The following ELAPOR2 variants were observed in gnomAD, a reference collection of about 807,000 sequenced individuals.
ELAPOR2 encodes endosome/lysosome-associated apoptosis and autophagy regulator family member 2.
A neutral mutation model predicts 120.7 loss-of-function variants in ELAPOR2; 89 were observed. The ratio of observed to expected loss-of-function variants is 0.74; its 90% CI spans 0.62 to 0.88. ELAPOR2 has a LOEUF of 0.88. Among genes scored for constraint, ELAPOR2 ranks in the 40% least tolerant of loss-of-function variants. ELAPOR2 has a pLI of 0.00. For synonymous variants in ELAPOR2, 444 were observed against 444.9 expected, an observed-to-expected ratio of 1.00 and a Z score of 0.03; for missense variants, 1,134 against 1,251.6, an observed-to-expected ratio of 0.91 and a Z score of 1.42.
Position 86,891,156 on chromosome 7 carries a change from A to G in ELAPOR2, c.3030+568T>C, listed in dbSNP as rs1363557905. On this transcript the variant is annotated intron_variant, in intron 21 of 21. Coordinates refer to ENST00000450689, the MANE Select transcript of ELAPOR2 (RefSeq NM_001142749.3). ...AATTTATATAACTTTTGTTTGCTCT[A>G]TGTAAAACAATCTTGTCATAAAAAA... The G allele has an allele frequency of 9.9e-5, 15 of 152,086 alleles. No homozygotes were observed. The South Asian group carries it at 3.1e-3, about 31-fold the overall frequency. The allele number at this position is 152,086 out of a possible 1,614,324, so 9.4% of individuals were successfully genotyped here.
intron 1 of ELAPOR2, among the ~76,000 whole-genome samples, chr7:87,002,249 T>TTATGCAC (rs1793341257): frequency 6.6e-6 from 1 of 152,128 alleles, no homozygotes; most frequent in Non-Finnish European, 1.5e-5. Context: ...GCACAGTTAC[T>TTATGCAC]AGTTGTGGCC....
chr7:86,923,253 G>GT (rs1364716714), intron 10 of ELAPOR2, among the ~76,000 whole-genome samples: 1 of 151,830 alleles, frequency 6.6e-6, no homozygotes, highest in African/African-American at 2.4e-5. Flanking sequence ...GTAGTTAGTA[G>GT]TTTTTTGTGT....
intron 6 of ELAPOR2, 125 bp downstream of exon 6, chr7:86,939,885 G>T: frequency 4.0e-6 from 2 of 501,422 alleles, no homozygotes; most frequent in South Asian, 4.5e-5. Flanking sequence ...AGACCTATAT[G>T]ATTCCCTAAC....
intron 21 of ELAPOR2, among the ~76,000 whole-genome samples, chr7:86,886,861 T>C (rs189678731): frequency 2.2e-3 from 330 of 152,204 alleles, no homozygotes; most frequent in Admixed American, 5.0e-3. Context: ...TGGGCCTGGT[T>C]CACTGATGAT....
At chr7:86,973,457 G>T (rs1792172693) in intron 1 of ELAPOR2, among the ~76,000 whole-genome samples, 1 of 152,092 alleles carries the variant, frequency 6.6e-6, no homozygotes, top group African/African-American at 2.4e-5. Flanking sequence ...AAATCACTGT[G>T]TAACAGGTTC....
At position 86,974,583 on chromosome 7, in the gene ELAPOR2, G is replaced by GTGTGTGTT. The variant is rs1430360715; in HGVS notation, c.190-9560_190-9559insAACACACA. 3.8e-3 allele frequency among the ~76,000 whole-genome samples: 550 copies of GTGTGTGTT among 146,436 alleles called. 3 individuals carry two copies. The highest frequency in any genetic ancestry group is 0.014 in the African/African-American group (524 of 38,788). Reference sequence around the variant, plus strand: ...AGCAATATATCTGAACCCCTGTAGTGTGTGTGTGTGTGTGTGTGTGTGTGT... The same window carrying GTGTGTGTT: ...AGCAATATATCTGAACCCCTGTAGTGTGTGTGTTTGTGTGTGTGTGTGTGTGTGTGTGT... On this transcript the variant is annotated intron_variant, in intron 1 of 21. Transcript: ENST00000450689.
chr7:87,019,382 T>G lies in ELAPOR2; in HGVS notation c.189+39943A>C, dbSNP rs562268021. On this transcript the variant is annotated intron_variant, in intron 1 of 21. Coordinates refer to ENST00000450689, the MANE Select transcript of ELAPOR2 (RefSeq NM_001142749.3). Reference sequence around the variant, plus strand: ...ATTTCAGATGTTGCCTAGGCTGGTCTTGAACTCCTGGGCTCAAGCGGTCTG... The same window carrying G: ...ATTTCAGATGTTGCCTAGGCTGGTCGTGAACTCCTGGGCTCAAGCGGTCTG... Among the ~76,000 whole-genome samples, 16 of 152,252 alleles carry G rather than the reference T, an allele frequency of 1.1e-4. No individual in the cohort carries two copies. In the East Asian group the frequency reaches 3.1e-3, roughly 29 times the overall value.
chr7:86,912,042 G>A (rs1479370313), intron 15 of ELAPOR2, 30 bp downstream of exon 15: 1 of 1,580,240 alleles, frequency 6.3e-7, no homozygotes, highest in Admixed American at 1.7e-5. Flanking sequence ...TGAAATATAG[G>A]TCCATCTCAC....
intron 2 of ELAPOR2, among the ~76,000 whole-genome samples, chr7:86,951,073 T>C (rs1471950710): frequency 6.6e-6 from 1 of 152,196 alleles, no homozygotes; most frequent in Non-Finnish European, 1.5e-5. Flanking sequence ...ACCAAGACCC[T>C]ACAGTACATT....
At chr7:86,938,024 T>C (rs1026748324) in intron 8 of ELAPOR2, 102 bp downstream of exon 8, 1 of 845,472 alleles carries the variant, frequency 1.2e-6, no homozygotes, top group Non-Finnish European at 1.9e-6. Context: ...TACACTTACA[T>C]ACGTGTGTCA....
At chr7:86,907,157 A>C (rs1032818842) in intron 18 of ELAPOR2, among the ~76,000 whole-genome samples, 1 of 152,128 alleles carries the variant, frequency 6.6e-6, no homozygotes, top group Admixed American at 6.6e-5. Flanking sequence ...AGTCAGACTT[A>C]CCTTGGTGAT....
intron 8 of ELAPOR2, among the ~76,000 whole-genome samples, chr7:86,931,371 A>G (rs1253906408): frequency 1.3e-5 from 2 of 151,966 alleles, no homozygotes; most frequent in East Asian, 3.9e-4. Context: ...ATGAGTGCCC[A>G]AAGGAAAGAT....
intron 4 of ELAPOR2, 26 bp from the exon 5 acceptor site, chr7:86,942,130 G>C: frequency 1.5e-6 from 2 of 1,365,438 alleles, no homozygotes; most frequent in African/African-American, 1.4e-5. Flanking sequence ...AAGAGCCCTA[G>C]TAAAGTGTCT....
Position 86,902,760 on chromosome 7 carries a change from C to T in ELAPOR2, c.2558+4910G>A, listed in dbSNP as rs182898378. 2.3e-3 allele frequency among the ~76,000 whole-genome samples: 355 copies of T among 152,170 alleles called. 3 individuals carry two copies. The highest frequency in any genetic ancestry group is 8.2e-3 in the African/African-American group (341 of 41,526). On this transcript the variant is annotated intron_variant, in intron 18 of 21. Coordinates refer to ENST00000450689, the MANE Select transcript of ELAPOR2 (RefSeq NM_001142749.3). ...GGCCCCTCTTATTCCTGGGTGGCAA[C>T]CTAGGATTCAGTCTGTGAGATGGGG...
At chr7:86,948,376 C>G (rs1344444262) in intron 2 of ELAPOR2, among the ~76,000 whole-genome samples, 1 of 152,182 alleles carries the variant, frequency 6.6e-6, no homozygotes, top group Non-Finnish European at 1.5e-5. Flanking sequence ...TTAATTTATG[C>G]TAATCAGTGG....
rs574151188 is a variant in ELAPOR2, at chr7:86,942,171, C to T, written c.655-67G>A. The T allele has an allele frequency of 4.5e-6, 4 of 880,148 alleles. No individual in the cohort carries two copies. The Admixed American group carries it at 8.4e-5, about 18-fold the overall frequency. The allele number at this position is 880,148 out of a possible 1,614,324, so 54.5% of individuals were successfully genotyped here. A position where few individuals can be genotyped will look rare whatever the true frequency, so the allele number is the denominator to read the frequency against. ...AACAGCTTTAATTAAATTCTGTACCCAGCACAGACTGCAAGAACCTCGTTC... is the reference window on the plus strand; with the variant it reads ...AACAGCTTTAATTAAATTCTGTACCTAGCACAGACTGCAAGAACCTCGTTC... On this transcript the variant is annotated intron_variant, in intron 4 of 21. Transcript: ENST00000450689.
intron 1 of ELAPOR2, among the ~76,000 whole-genome samples, chr7:87,011,249 CAAAAAAA>C (rs772971682): frequency 1.5e-4 from 8 of 52,970 alleles, no homozygotes; most frequent in African/African-American, 3.9e-4. Flanking sequence ...GACTCCATCT[CAAAAAAA>C]AAAAAAAAAA....
intron 1 of ELAPOR2, among the ~76,000 whole-genome samples, chr7:86,969,579 C>G (rs1583924646): frequency 1.3e-5 from 2 of 151,852 alleles, no homozygotes; most frequent in East Asian, 3.9e-4. Flanking sequence ...AAACATAGTC[C>G]CTGTACTCAA....
chr7:87,035,706 A>ATAT (rs1794563947), intron 1 of ELAPOR2, among the ~76,000 whole-genome samples: 1 of 152,068 alleles, frequency 6.6e-6, no homozygotes, highest in Non-Finnish European at 1.5e-5. Context: ...AACAGAACTC[A>ATAT]AGACCCTCCA....
Sources: gnomAD v4.1 joint callset for allele counts (sites outside exome capture counted in the v4.1 genomes callset) on GRCh38, gnomAD v4.1.1 for gene constraint, MANE v1.5 for transcripts, NCBI Gene and HGNC (gene_info 2026-07-23, HGNC 2026-07-21) for gene names.